Variants in SNTG2 observed in about 807,000 individuals in gnomAD.
The protein encoded by SNTG2 is gamma-2-syntrophin.
Under a neutral mutation model 70.9 loss-of-function variants are expected in SNTG2, and 74 were observed. The ratio of observed to expected loss-of-function variants is 1.04; its 90% confidence interval spans 0.86 to 1.27. The LOEUF (loss-of-function observed/expected upper bound fraction) is 1.27, where lower values mean the gene tolerates loss of function less well. SNTG2 is among the 50% of genes most tolerant of loss of function. SNTG2 has a pLI of 0.00. For synonymous variants in SNTG2, 278 were observed against 273.8 expected, an observed-to-expected ratio of 1.02 and a Z score of -0.15; for missense variants, 717 against 690.7, an observed-to-expected ratio of 1.04 and a Z score of -0.43.
chr2:1,365,574 G>C (rs1196762079), intron 16 of SNTG2, among the ~76,000 whole-genome samples: 1 of 152,076 alleles, frequency 6.6e-6, no homozygotes, highest in Non-Finnish European at 1.5e-5. Context: ...CTTCCGGCAG[G>C]CTGGCTCGCT....
chr2:1,205,129 A>G (rs1673550141), intron 8 of SNTG2, among the ~76,000 whole-genome samples: 1 of 152,208 alleles, frequency 6.6e-6, no homozygotes, highest in African/African-American at 2.4e-5. Context: ...TAATCAGAGA[A>G]CGTAGACTTA....
At chr2:1,342,002 C>G (rs1378966252) in intron 16 of SNTG2, among the ~76,000 whole-genome samples, 3 of 152,154 alleles carry the variant, frequency 2.0e-5, no homozygotes, top group South Asian at 2.1e-4. Context: ...TGCACCACCT[C>G]ACCCAGCCTG....
intron 10 of SNTG2, among the ~76,000 whole-genome samples, chr2:1,238,581 A>G (rs1343488910): frequency 6.6e-6 from 1 of 152,184 alleles, no homozygotes; most frequent in East Asian, 1.9e-4. Context: ...ATGAAAAGAG[A>G]TGGGGTGGGA....
intron 4 of SNTG2, among the ~76,000 whole-genome samples, chr2:1,126,304 G>A (rs976219926): frequency 1.3e-5 from 2 of 152,170 alleles, no homozygotes; most frequent in Non-Finnish European, 2.9e-5. Context: ...ACTCTGCCAC[G>A]AATGGGAGTG....
chr2:1,221,447 CTG>C (rs1431218207), intron 9 of SNTG2, among the ~76,000 whole-genome samples: 3 of 132,576 alleles, frequency 2.3e-5, no homozygotes, highest in African/African-American at 6.0e-5. Context: ...GTCTCTGTCT[CTG>C]TCTCTCTCTG....
intron 1 of SNTG2, among the ~76,000 whole-genome samples, chr2:959,350 A>G (rs866699615): frequency 1.3e-5 from 2 of 152,222 alleles, no homozygotes; most frequent in African/African-American, 4.8e-5. Context: ...TGAAAATGCT[A>G]TGAGCTTTAT....
intron 7 of SNTG2, among the ~76,000 whole-genome samples, chr2:1,166,748 G>A (rs28452666): frequency 5.9e-5 from 9 of 152,226 alleles, no homozygotes; most frequent in African/African-American, 2.2e-4. Context: ...GGCCTACCAC[G>A]CCCCCATCCT....
At chr2:1,142,104 C>T (rs939645103) in intron 6 of SNTG2, among the ~76,000 whole-genome samples, 1 of 152,204 alleles carries the variant, frequency 6.6e-6, no homozygotes, top group Non-Finnish European at 1.5e-5. Context: ...AACTGACTCT[C>T]TCCCTGAAAT....
chr2:1,294,697 A>G (rs996335323), intron 14 of SNTG2, among the ~76,000 whole-genome samples: 2 of 152,242 alleles, frequency 1.3e-5, no homozygotes, highest in Non-Finnish European at 2.9e-5. Flanking sequence ...ACTTTCTGTC[A>G]ATGGTAAACG....
At chr2:1,334,296 A>G (rs1340261219) in intron 16 of SNTG2, among the ~76,000 whole-genome samples, 1 of 152,208 alleles carries the variant, frequency 6.6e-6, no homozygotes. Flanking sequence ...AAAAAACAAT[A>G]GATGTCGGTG....
intron 4 of SNTG2, among the ~76,000 whole-genome samples, chr2:1,110,233 C>A (rs558273271): frequency 1.8e-4 from 27 of 152,302 alleles, no homozygotes; most frequent in South Asian, 8.3e-4. Context: ...CCTGTAAACA[C>A]AGGAAGAATC....
intron 8 of SNTG2, among the ~76,000 whole-genome samples, chr2:1,200,523 G>A (rs1208582605): frequency 1.3e-5 from 2 of 151,916 alleles, no homozygotes; most frequent in East Asian, 3.8e-4. Context: ...ATAAACAAAT[G>A]GAACTGTATT....
intron 1 of SNTG2, among the ~76,000 whole-genome samples, chr2:1,058,034 C>T (rs893919839): frequency 1.3e-5 from 2 of 151,780 alleles, no homozygotes; most frequent in African/African-American, 4.8e-5. Flanking sequence ...CTCAAAAAGA[C>T]AAAAAATAAA....
chr2:1,077,594 G>A (rs984170143), intron 1 of SNTG2, among the ~76,000 whole-genome samples: 1 of 152,154 alleles, frequency 6.6e-6, no homozygotes, highest in Non-Finnish European at 1.5e-5. Context: ...TTTTGTTACA[G>A]AAAGGTTTTT....
intron 4 of SNTG2, among the ~76,000 whole-genome samples, chr2:1,101,409 G>C (rs548764375): frequency 2.0e-5 from 3 of 152,212 alleles, no homozygotes; most frequent in African/African-American, 7.2e-5. Context: ...TTATATCCTC[G>C]TTTTATGCAC....
intron 1 of SNTG2, among the ~76,000 whole-genome samples, chr2:973,530 A>T: frequency 7.7e-6 from 1 of 129,420 alleles, no homozygotes; most frequent in African/African-American, 3.1e-5. Flanking sequence ...ATATACATGT[A>T]TATATATATA....
chr2:1,243,096 TAATTC>T (rs1398681558), intron 11 of SNTG2, among the ~76,000 whole-genome samples: 7 of 152,268 alleles, frequency 4.6e-5, no homozygotes. Flanking sequence ...AAATCTAGCA[TAATTC>T]AATTACTTGT....
At chr2:1,194,318 A>C (rs1672775118) in intron 8 of SNTG2, among the ~76,000 whole-genome samples, 1 of 152,188 alleles carries the variant, frequency 6.6e-6, no homozygotes, top group Non-Finnish European at 1.5e-5. Flanking sequence ...TGGGTTTTCC[A>C]GGTGTAGTTT....
At chr2:1,157,440 G>A (rs1006100623) in intron 6 of SNTG2, among the ~76,000 whole-genome samples, 1 of 152,162 alleles carries the variant, frequency 6.6e-6, no homozygotes, top group African/African-American at 2.4e-5. Context: ...ACACTCACAC[G>A]TGCACAAGGA....
Sources: gnomAD v4.1 joint callset for allele counts (sites outside exome capture counted in the v4.1 genomes callset) on GRCh38, gnomAD v4.1.1 for gene constraint, MANE v1.5 for transcripts, NCBI Gene and HGNC (gene_info 2026-07-23, HGNC 2026-07-21) for gene names.